USP37: variants seen among roughly 807,000 people sequenced by gnomAD.
USP37 encodes ubiquitin carboxyl-terminal hydrolase 37.
Under a neutral mutation model 124.0 loss-of-function variants are expected in USP37, and 27 were observed. The ratio of observed to expected loss-of-function variants is 0.22; its 90% confidence interval spans 0.16 to 0.30. The LOEUF (loss-of-function observed/expected upper bound fraction) is 0.30. USP37 is among the 10% of genes least tolerant of loss of function. The pLI, the probability that USP37 is intolerant of heterozygous loss-of-function variation, is 1.00. For synonymous variants in USP37, 365 were observed against 388.0 expected, an observed-to-expected ratio of 0.94 and a Z score of 0.70; for missense variants, 889 against 1,140.4, an observed-to-expected ratio of 0.78 and a Z score of 3.17.
intron 20 of USP37, among the ~76,000 whole-genome samples, chr2:218,471,976 G>A (rs1690714745): frequency 6.6e-6 from 1 of 151,480 alleles, no homozygotes; most frequent in Non-Finnish European, 1.5e-5. Context: ...GTTGCAGTGA[G>A]CTGAGATCAT....
At chr2:218,500,203 T>G (rs768497821) in intron 11 of USP37, among the ~76,000 whole-genome samples, 6 of 152,016 alleles carry the variant, frequency 3.9e-5, no homozygotes, top group African/African-American at 7.2e-5. Flanking sequence ...GCCTCCCAAA[T>G]AACTAGGGTG....
chr2:218,458,154 T>C (rs1265987401), intron 23 of USP37, among the ~76,000 whole-genome samples: 1 of 149,252 alleles, frequency 6.7e-6, no homozygotes, highest in Non-Finnish European at 1.5e-5. Flanking sequence ...GTAATTTACT[T>C]CTGGAGAATA....
intron 13 of USP37, among the ~76,000 whole-genome samples, chr2:218,496,353 T>A (rs1689079360): frequency 6.6e-6 from 1 of 152,100 alleles, no homozygotes; most frequent in Non-Finnish European, 1.5e-5. Flanking sequence ...AATAGCTTAT[T>A]AACATTATAA....
At chr2:218,472,843 T>C (rs1690770359) in intron 20 of USP37, among the ~76,000 whole-genome samples, 1 of 152,222 alleles carries the variant, frequency 6.6e-6, no homozygotes, top group African/African-American at 2.4e-5. Flanking sequence ...AGTAATTCTA[T>C]TTATAATTCC....
Position 218,474,034 on chromosome 2 carries a change from A to C in USP37, c.2299+596T>G, listed in dbSNP as rs189419401. 2.0e-5 allele frequency among the ~76,000 whole-genome samples: 3 copies of C among 152,328 alleles called. No individual in the cohort carries two copies. In the East Asian group the frequency reaches 5.8e-4, roughly 29 times the overall value. Reference sequence around the variant, plus strand: ...GTATCTAAATACATCTAAACATAGAAAAAGCAATGCATTGTGCAGGGAATG... The same window carrying C: ...GTATCTAAATACATCTAAACATAGACAAAGCAATGCATTGTGCAGGGAATG... On this transcript the variant is annotated intron_variant, in intron 20 of 25. Transcript: ENST00000258399.
intron 22 of USP37, among the ~76,000 whole-genome samples, chr2:218,460,792 T>C (rs1421839755): frequency 6.6e-6 from 1 of 151,914 alleles, no homozygotes; most frequent in African/African-American, 2.4e-5. Context: ...AATACAAAAA[T>C]TAGCCAGGTG....
At chr2:218,517,891 C>A (rs1690387618) in intron 10 of USP37, among the ~76,000 whole-genome samples, 1 of 152,092 alleles carries the variant, frequency 6.6e-6, no homozygotes, top group Admixed American at 6.6e-5. Context: ...TTGTCTTTTT[C>A]ATGTTTTATT....
intron 10 of USP37, among the ~76,000 whole-genome samples, chr2:218,519,439 T>C (rs568585855): frequency 1.0e-3 from 158 of 152,280 alleles, no homozygotes; most frequent in Non-Finnish European, 2.0e-3. Context: ...CTGAAATATG[T>C]GGAGTAATGT....
chr2:218,464,022 A>AT (rs1373578367), intron 21 of USP37, among the ~76,000 whole-genome samples: 1 of 141,314 alleles, frequency 7.1e-6, no homozygotes, highest in African/African-American at 2.7e-5. Context: ...CACCCAGTTA[A>AT]TTTTTTTTGT....
chr2:218,553,495 G>C, intron 5 of USP37, 58 bp downstream of exon 5: 2 of 1,472,332 alleles, frequency 1.4e-6, no homozygotes, highest in South Asian at 2.8e-5. Context: ...TTGGTCTGTA[G>C]TCTAGTCATA....
chr2:218,473,977 T>C (rs1320150348), intron 20 of USP37, among the ~76,000 whole-genome samples: 1 of 152,202 alleles, frequency 6.6e-6, no homozygotes, highest in South Asian at 2.1e-4. Flanking sequence ...CTGAGTACTG[T>C]AGGCAACTGT....
intron 10 of USP37, among the ~76,000 whole-genome samples, chr2:218,520,363 T>C (rs7596368): frequency 0.049 from 7,341 of 150,016 alleles, 576 homozygotes; most frequent in African/African-American, 0.17. Context: ...TTTTTTTTTT[T>C]CCAGAGACAG....
chr2:218,455,353 T>C (rs1381553244), intron 25 of USP37, among the ~76,000 whole-genome samples: 2 of 152,188 alleles, frequency 1.3e-5, no homozygotes, highest in East Asian at 3.8e-4. Flanking sequence ...TTAACTTCCA[T>C]ACCTAGATAC....
At position 218,503,169 on chromosome 2, in the gene USP37, A is replaced by C. The variant is rs994348617; in HGVS notation, c.1026-5012T>G. Among the ~76,000 whole-genome samples the C allele has an allele frequency of 3.3e-5, 5 of 152,314 alleles. No homozygotes were observed. The South Asian group carries it at 1.0e-3, about 32-fold the overall frequency. ...GCACTGTAAGAAATGTTAAAGCGAC[A>C]TTCTTCATGCAGAAGGAAAAATGAT... is the stretch of plus-strand genomic sequence containing the variant. On this transcript the variant is annotated intron_variant, in intron 11 of 25. Transcript: ENST00000258399.
At chr2:218,479,471 T>G (rs1031488915) in intron 18 of USP37, among the ~76,000 whole-genome samples, 179 bp downstream of exon 18, 4 of 152,202 alleles carry the variant, frequency 2.6e-5, no homozygotes, top group African/African-American at 9.7e-5. Flanking sequence ...GATTAAAATT[T>G]GTTATATCCT....
At chr2:218,567,309 A>G (rs1195063127) in intron 1 of USP37, among the ~76,000 whole-genome samples, 4 of 152,170 alleles carry the variant, frequency 2.6e-5, no homozygotes, top group African/African-American at 9.7e-5. Flanking sequence ...TCTATTGGTT[A>G]TTAAACAGCA....
intron 15 of USP37, among the ~76,000 whole-genome samples, chr2:218,487,647 T>C (rs1691649922): frequency 6.6e-6 from 1 of 151,942 alleles, no homozygotes; most frequent in Admixed American, 6.6e-5. Context: ...TCTTGATCTC[T>C]TGACCTTGTG....
intron 3 of USP37, among the ~76,000 whole-genome samples, chr2:218,559,204 G>A (rs999800378): frequency 6.6e-6 from 1 of 152,128 alleles, no homozygotes; most frequent in African/African-American, 2.4e-5. Context: ...TCAGCTTCTA[G>A]AGGGGCTGAA....
chr2:218,454,746 A>C lies in USP37; in HGVS notation c.*184T>G. On this transcript the variant is annotated 3_prime_UTR_variant, in exon 26 of 26. Coordinates refer to ENST00000258399, the MANE Select transcript of USP37 (RefSeq NM_020935.3). ...GATAATCAGCTACGGATGTGAGACC[A>C]AAGTTTCCATAAAATAGCATGGAGC... 2 of 1,298,294 alleles carry C rather than the reference A, an allele frequency of 1.5e-6. No individual in the cohort carries two copies. Among genetic ancestry groups the C allele is most frequent in the Non-Finnish European group, 2.0e-6 (2 of 984,608 alleles). The allele number at this position is 1,298,294 out of a possible 1,614,324, so 80.4% of individuals were successfully genotyped here.
Sources: allele counts gnomAD v4.1 joint callset (sites outside exome capture counted in the v4.1 genomes callset), GRCh38; gene constraint gnomAD v4.1.1; transcripts MANE v1.5; gene names NCBI Gene and HGNC (gene_info 2026-07-23, HGNC 2026-07-21).